NDUFV2: variants seen among roughly 807,000 people sequenced by gnomAD.
NDUFV2 encodes the protein NADH:ubiquinone oxidoreductase core subunit V2, also known as NADH dehydrogenase [ubiquinone] flavoprotein 2, mitochondrial.
A neutral mutation model predicts 31.6 loss-of-function variants in NDUFV2; 18 were observed. That is an observed-to-expected ratio of 0.57 (90% CI 0.39 to 0.84). The LOEUF (loss-of-function observed/expected upper bound fraction) is 0.84, where lower values mean the gene tolerates loss of function less well. Among genes scored for constraint, NDUFV2 ranks in the 40% least tolerant of loss-of-function variants. The pLI is 0.00. For synonymous variants in NDUFV2, 83 were observed against 99.8 expected (o/e 0.83, Z 1.01); for missense variants, 314 against 303.6 (o/e 1.03, Z -0.26).
chr18:9,133,043 A>AT (rs769121029), intron 7 of NDUFV2, among the ~76,000 whole-genome samples: 166 of 152,318 alleles, frequency 1.1e-3, no homozygotes, highest in Non-Finnish European at 1.8e-3. Flanking sequence ...CAAAGATATT[A>AT]ACTAAGTTCT....
At chr18:9,112,910 T>G (rs1228939574) in intron 1 of NDUFV2, among the ~76,000 whole-genome samples, 1 of 152,154 alleles carries the variant, frequency 6.6e-6, no homozygotes, top group East Asian at 1.9e-4. Context: ...ATATGTATTA[T>G]GATAAAAAAT....
chr18:9,124,793 TA>T (rs2077973778), intron 5 of NDUFV2, 80 bp from the exon 6 acceptor site: 4 of 1,357,822 alleles, frequency 2.9e-6, no homozygotes, highest in Admixed American at 2.6e-5. Context: ...TATACCTCTA[TA>T]AAAATTCTTT....
chr18:9,104,095 A>G, intron 1 of NDUFV2: 2 of 1,587,708 alleles, frequency 1.3e-6, no homozygotes, highest in Non-Finnish European at 1.7e-6. Context: ...GGTGCATAAG[A>G]TTTTTCCTGA....
In NDUFV2 at chr18:9,126,904, C is replaced by CTT. The variant is rs2077995932; in HGVS notation, c.653_654insTT (p.Arg219Ter). The CTT allele has an allele frequency of 6.2e-7, 1 of 1,612,354 alleles. No individual in the cohort carries two copies. Among genetic ancestry groups the CTT allele is most frequent in the Non-Finnish European group, 8.5e-7 (1 of 1,178,508 alleles). On this transcript the variant is annotated frameshift_variant, in exon 7 of 8. Coordinates refer to ENST00000318388, the MANE Select transcript of NDUFV2 (RefSeq NM_021074.5). LOFTEE classifies it high-confidence loss of function. ...GCTGGCAAAATCCCAAAACCAGGGC[C>CTT]AAGGTATGCTTTATTTATATATAGG...
intron 7 of NDUFV2, among the ~76,000 whole-genome samples, chr18:9,132,802 G>C (rs890689487): frequency 2.0e-5 from 3 of 152,198 alleles, no homozygotes; most frequent in African/African-American, 7.2e-5. Flanking sequence ...CTGAGCCTGG[G>C]AGGTTAAGAC....
chr18:9,113,826 G>A (rs1010080337), intron 1 of NDUFV2, among the ~76,000 whole-genome samples: 5 of 152,152 alleles, frequency 3.3e-5, no homozygotes, highest in Admixed American at 2.6e-4. Flanking sequence ...CCCCTAAAAG[G>A]GACAGGAATT....
chr18:9,129,258 C>T (rs1393012141), intron 7 of NDUFV2, among the ~76,000 whole-genome samples: 1 of 152,106 alleles, frequency 6.6e-6, no homozygotes, highest in African/African-American at 2.4e-5. Flanking sequence ...CGTTTAGAAT[C>T]TTCTGCTTTG....
chr18:9,104,240 CAAATG>C (rs781777549), intron 1 of NDUFV2: 7 of 1,612,358 alleles, frequency 4.3e-6, no homozygotes, highest in African/African-American at 4.0e-5. Flanking sequence ...GGTGTGTTCC[CAAATG>C]AAATAAGGGA....
At chr18:9,132,994 C>CT (rs930327030) in intron 7 of NDUFV2, among the ~76,000 whole-genome samples, 1 of 152,154 alleles carries the variant, frequency 6.6e-6, no homozygotes, top group Non-Finnish European at 1.5e-5. Flanking sequence ...ACAATGACTG[C>CT]TTTTTTATCT....
chr18:9,121,258 A>G (rs1034409036), intron 4 of NDUFV2: 1 of 152,164 alleles, frequency 6.6e-6, no homozygotes, highest in African/African-American at 2.4e-5. Flanking sequence ...CCTTACAACA[A>G]AAAATATCCA....
rs543644168 is a variant in NDUFV2, at chr18:9,123,023, C to T, written c.469+342C>T. Among the ~76,000 whole-genome samples, 4 of 151,950 alleles carry T rather than the reference C, an allele frequency of 2.6e-5. No individual in the cohort carries two copies. In the South Asian group the frequency reaches 8.3e-4, roughly 32 times the overall value. On this transcript the variant is annotated intron_variant, in intron 5 of 7. Transcript: ENST00000318388. Reference sequence around the variant, plus strand: ...AGCATGTGGTATATTAAAAAGTGACCCATTATTGTCTTTATATTCTTCTAA... The same window carrying T: ...AGCATGTGGTATATTAAAAAGTGACTCATTATTGTCTTTATATTCTTCTAA...
In NDUFV2 at chr18:9,119,385, T is replaced by C. The variant is rs2077917865; in HGVS notation, c.180T>C (p.Tyr60=). Residue 60 remains tyrosine (Y), a synonymous_variant, in exon 3 of 8, where the codon TAT becomes TAC. Coordinates refer to ENST00000318388, the MANE Select transcript of NDUFV2 (RefSeq NM_021074.5). ...CATTTGATTTCACACCAGAAAACTATAAGGTATGGCTAAATTAACATTATA... is the reference window on the plus strand; with the variant it reads ...CATTTGATTTCACACCAGAAAACTACAAGGTATGGCTAAATTAACATTATA... ...DTPFDFTPEN[Y]KRIEAIVKNY... 4 of 1,610,068 alleles carry C rather than the reference T, an allele frequency of 2.5e-6. No homozygotes were observed. The highest frequency in any genetic ancestry group is 3.4e-6 in the Non-Finnish European group (4 of 1,176,426).
intron 1 of NDUFV2, among the ~76,000 whole-genome samples, chr18:9,108,689 A>ATTTTT (rs11291545): frequency 8.1e-6 from 1 of 123,016 alleles, no homozygotes; most frequent in Non-Finnish European, 1.7e-5. Flanking sequence ...TTTTCATGGA[A>ATTTTT]TTTTTTTTTT....
At chr18:9,132,361 G>A (rs2078047486) in intron 7 of NDUFV2, 1 of 152,138 alleles carries the variant, frequency 6.6e-6, no homozygotes, top group African/African-American at 2.4e-5. Context: ...ACTGGTAAGA[G>A]GCTTTAAGAT....
intron 2 of NDUFV2, 134 bp downstream of exon 2, chr18:9,118,037 A>G: frequency 1.5e-6 from 1 of 676,666 alleles, no homozygotes; most frequent in Non-Finnish European, 2.7e-6. Flanking sequence ...ACATACAGCT[A>G]ATTGAATTTA....
At chr18:9,107,980 G>A (rs983441283) in intron 1 of NDUFV2, among the ~76,000 whole-genome samples, 2 of 152,174 alleles carry the variant, frequency 1.3e-5, no homozygotes, top group African/African-American at 4.8e-5. Flanking sequence ...CATGAGGTGA[G>A]ACTGAACCCC....
intron 6 of NDUFV2, 73 bp downstream of exon 6, chr18:9,125,056 T>C (rs1051984085): frequency 6.9e-7 from 1 of 1,458,464 alleles, no homozygotes; most frequent in Non-Finnish European, 9.4e-7. Context: ...TTTGATTTTG[T>C]GTCCTTAGAT....
intron 2 of NDUFV2, among the ~76,000 whole-genome samples, 181 bp from the exon 3 acceptor site, chr18:9,119,145 T>C (rs1027116623): frequency 2.6e-5 from 4 of 152,166 alleles, no homozygotes; most frequent in Non-Finnish European, 5.9e-5. Flanking sequence ...AACTTTACTT[T>C]GGTAATCATA....
intron 5 of NDUFV2, 77 bp from the exon 6 acceptor site, chr18:9,124,797 A>T: frequency 7.7e-7 from 1 of 1,294,536 alleles, no homozygotes; most frequent in South Asian, 1.4e-5. Flanking sequence ...CCTCTATAAA[A>T]ATTCTTTTTT....
Sources: allele counts gnomAD v4.1 joint callset (sites outside exome capture counted in the v4.1 genomes callset), GRCh38; gene constraint gnomAD v4.1.1; transcripts MANE v1.5; gene names NCBI Gene and HGNC (gene_info 2026-07-23, HGNC 2026-07-21).